The following C9orf72 variants were observed in gnomAD, a reference collection of about 807,000 sequenced individuals.
C9orf72 encodes guanine nucleotide exchange factor C9orf72.
A neutral mutation model predicts 51.6 loss-of-function variants in C9orf72; 44 were observed. The ratio of observed to expected loss-of-function variants is 0.85; its 90% confidence interval spans 0.67 to 1.10. The LOEUF (loss-of-function observed/expected upper bound fraction) is 1.10, where lower values mean the gene tolerates loss of function less well. Ranked by LOEUF, C9orf72 falls within the 50% of genes least tolerant of loss-of-function variation. The pLI is 0.00. For missense variants in C9orf72, 607 were observed against 570.6 expected (o/e 1.06, Z -0.65); for synonymous variants, 213 against 194.2 (o/e 1.10, Z -0.81).
At chr9:27,558,043 T>C (rs1284564410) in intron 7 of C9orf72, among the ~76,000 whole-genome samples, 1 of 149,840 alleles carries the variant, frequency 6.7e-6, no homozygotes, top group Non-Finnish European at 1.5e-5. Context: ...AAAAGAAAAA[T>C]ACAATTTTTT....
chr9:27,562,553 A>C, intron 3 of C9orf72, 77 bp from the exon 4 acceptor site: 1 of 629,754 alleles, frequency 1.6e-6, no homozygotes. Flanking sequence ...TAAAAATAAC[A>C]TCAAACAATA....
At chr9:27,572,368 T>C (rs935127863) in intron 1 of C9orf72, among the ~76,000 whole-genome samples, 1 of 152,194 alleles carries the variant, frequency 6.6e-6, no homozygotes, top group African/African-American at 2.4e-5. Flanking sequence ...CTCCAGGTTA[T>C]TAATATCCCC....
chr9:27,556,864 T>A, intron 7 of C9orf72, 68 bp from the exon 8 acceptor site: 2 of 1,074,918 alleles, frequency 1.9e-6, no homozygotes, highest in East Asian at 2.4e-5. Context: ...TTTTTAATTT[T>A]AAAAAATGGT....
chr9:27,558,389 A>C (rs1257557274), intron 7 of C9orf72, 102 bp downstream of exon 7: 3 of 727,384 alleles, frequency 4.1e-6, no homozygotes, highest in African/African-American at 1.8e-5. Flanking sequence ...TGGGCATGTC[A>C]ATATGAGATA....
chr9:27,561,595 A>C lies in C9orf72; in HGVS notation c.655T>G (p.Phe219Val). Reference sequence around the variant, plus strand: ...AAGAAAAATTCTTACTTGAGAAGAAAGCCTTCATGACAGCTGTCACCAATA... The same window carrying C: ...AAGAAAAATTCTTACTTGAGAAGAACGCCTTCATGACAGCTGTCACCAATA... Reference protein sequence around the residue: ...DDIGDSCHEGFLLNAISSHLQ... With the variant: ...DDIGDSCHEGVLLNAISSHLQ... The change falls in exon 5 of 11, where the codon TTT (phenylalanine) becomes GTT (valine). Residue 219 changes from phenylalanine to valine, a missense_variant. Transcript: ENST00000380003. 6.2e-7 allele frequency: 1 copy of C among 1,612,578 alleles called. No homozygotes were observed. The highest frequency in any genetic ancestry group is 8.5e-7 in the Non-Finnish European group (1 of 1,179,144).
rs1276603718 is a variant in C9orf72 at position 27,556,571 on chromosome 9, T to C, written c.1081A>G (p.Thr361Ala). Residue 361 changes from threonine (T) to alanine (A), a missense_variant, in exon 8 of 11, where the codon ACT (threonine) becomes GCT (alanine). Physicochemically the swap from Thr to Ala is moderately conservative, Grantham distance 58 (BLOSUM62 0). Coordinates refer to ENST00000380003, the MANE Select transcript of C9orf72 (RefSeq NM_018325.5). ...DTIIYTDESF[T>A]PDLNIFQDVL... ...CAGAGCATTACGTACAAATCAGGAG[T>C]AAAGCTTTCGTCAGTGTAGATGATC... is the stretch of plus-strand genomic sequence containing the variant. 6.2e-7 allele frequency: 1 copy of C among 1,609,888 alleles called. No homozygotes were observed. The highest frequency in any genetic ancestry group is 2.2e-5 in the East Asian group (1 of 44,820).
intron 8 of C9orf72, among the ~76,000 whole-genome samples, chr9:27,556,064 A>G (rs906799071): frequency 1.3e-5 from 2 of 151,746 alleles, no homozygotes; most frequent in Non-Finnish European, 2.9e-5. Flanking sequence ...TTAAAAAAAA[A>G]TAAGAAGTGA....
At position 27,547,607 on chromosome 9, in the gene C9orf72, A is replaced by G. The variant is rs952604906; in HGVS notation, c.*629T>C. The stretch of plus-strand genomic sequence containing the variant: ...AAACAAAACACCCTAACTGTGGTTC[A>G]CCAGGAACAAGGACTATAGAGAACT... On this transcript the variant is annotated 3_prime_UTR_variant, in exon 11 of 11. Transcript: ENST00000380003. The G allele has an allele frequency of 6.6e-6, 1 of 152,644 alleles. No individual in the cohort carries two copies. The highest frequency in any genetic ancestry group is 1.5e-5 in the Non-Finnish European group (1 of 68,048). 9.5% of individuals were successfully genotyped at this position (152,644 alleles called of 1,614,324 possible). A position where few individuals can be genotyped will look rare whatever the true frequency, so the allele number is the denominator to read the frequency against.
At position 27,556,544 on chromosome 9, in the gene C9orf72, G is replaced by A; in HGVS notation, c.1091+17C>T. On this transcript the variant is annotated intron_variant, in intron 8 of 10. Transcript: ENST00000380003. ...ATATTGCTTGACTACAGTACCAGCA[G>A]GCAGAGCATTACGTACAAATCAGGA... 6.6e-7 allele frequency: 1 copy of A among 1,513,702 alleles called. No individual in the cohort carries two copies. The highest frequency in any genetic ancestry group is 9.2e-7 in the Non-Finnish European group (1 of 1,089,834). 93.8% of individuals were successfully genotyped at this position (1,513,702 alleles called of 1,614,324 possible).
rs564239448 is a variant in C9orf72 at position 27,572,973 on chromosome 9, TG to T, written c.-45+457del. 1.2e-4 allele frequency among the ~76,000 whole-genome samples: 18 copies of T among 152,308 alleles called. No individual in the cohort carries two copies. The South Asian group carries it at 2.1e-3, about 18-fold the overall frequency. On this transcript the variant is annotated intron_variant, in intron 1 of 10. Coordinates refer to ENST00000380003, the MANE Select transcript of C9orf72 (RefSeq NM_018325.5). ...CTCCACACCCCCATCTCATCCCGCA[TG>T]ATCTCCTCGCCGGCAGGGACCGTCT...
chr9:27,565,482 A>T (rs369431431), intron 3 of C9orf72, 49 bp downstream of exon 3: 1 of 1,239,130 alleles, frequency 8.1e-7, no homozygotes, highest in African/African-American at 1.5e-5. Context: ...AACCTTATAC[A>T]GATACATGCT....
rs1820781701 is a variant in C9orf72, at chr9:27,546,943, C to T, written c.*1293G>A. ...CAGAAGGGCTCTATTACCTTTATCC[C>T]TTTCTTATAAATATATTTTCCCTTT... On this transcript the variant is annotated 3_prime_UTR_variant, in exon 11 of 11. Transcript: ENST00000380003. 1 of 152,042 alleles carries T rather than the reference C, an allele frequency of 6.6e-6. No homozygotes were observed. Among genetic ancestry groups the T allele is most frequent in the Admixed American group, 6.6e-5 (1 of 15,260 alleles). 9.4% of individuals were successfully genotyped at this position (152,042 alleles called of 1,614,324 possible). A position where few individuals can be genotyped will look rare whatever the true frequency, so the allele number is the denominator to read the frequency against.
intron 4 of C9orf72, among the ~76,000 whole-genome samples, chr9:27,561,981 C>A (rs927918716): frequency 1.3e-5 from 2 of 152,134 alleles, no homozygotes; most frequent in African/African-American, 4.8e-5. Context: ...GTGTGTGATT[C>A]AAAACGTCCT....
At chr9:27,573,128 G>C (rs927835610) in intron 1 of C9orf72, among the ~76,000 whole-genome samples, 3 of 152,116 alleles carry the variant, frequency 2.0e-5, no homozygotes, top group Non-Finnish European at 4.4e-5. Flanking sequence ...AGCGCTCCCA[G>C]CGGGTCCCCG....
At chr9:27,571,205 TTGAG>T (rs1217434586) in intron 1 of C9orf72, 1 of 152,228 alleles carries the variant, frequency 6.6e-6, no homozygotes, top group Non-Finnish European at 1.5e-5. Flanking sequence ...AAGATTCAAA[TTGAG>T]TGAGACGGTG....
chr9:27,564,229 T>G (rs1819416462), intron 3 of C9orf72, among the ~76,000 whole-genome samples: 1 of 151,596 alleles, frequency 6.6e-6, no homozygotes, highest in African/African-American at 2.4e-5. Context: ...TCTCTTAAGT[T>G]TCTATTCCTC....
chr9:27,547,981 T>G lies in C9orf72; in HGVS notation c.*255A>C, dbSNP rs752566086. 3 of 270,712 alleles carry G rather than the reference T, an allele frequency of 1.1e-5. No individual in the cohort carries two copies. The highest frequency in any genetic ancestry group is 4.4e-5 in the African/African-American group (2 of 45,702). 16.8% of individuals were successfully genotyped at this position (270,712 alleles called of 1,614,324 possible). On this transcript the variant is annotated 3_prime_UTR_variant, in exon 11 of 11. Coordinates refer to ENST00000380003, the MANE Select transcript of C9orf72 (RefSeq NM_018325.5). ...ATCCTATTATTATATCTTTAAAAGA[T>G]AGCAATAATATTTATTATATTGTAA...
At chr9:27,572,768 T>C (rs1046727587) in intron 1 of C9orf72, among the ~76,000 whole-genome samples, 2 of 152,164 alleles carry the variant, frequency 1.3e-5, no homozygotes, top group African/African-American at 4.8e-5. Flanking sequence ...CTGATTACCA[T>C]CAGTCAAGTG....
chr9:27,572,274 A>C (rs961857978), intron 1 of C9orf72, among the ~76,000 whole-genome samples: 5 of 152,184 alleles, frequency 3.3e-5, no homozygotes, highest in Non-Finnish European at 4.4e-5. Flanking sequence ...CAACTGATTC[A>C]GGGTTTTCCT....
Sources: allele counts gnomAD v4.1 joint callset (sites outside exome capture counted in the v4.1 genomes callset), GRCh38; gene constraint gnomAD v4.1.1; transcripts MANE v1.5; gene names NCBI Gene and HGNC (gene_info 2026-07-23, HGNC 2026-07-21).